The following OCA2 variants were observed in gnomAD, a reference collection of about 807,000 sequenced individuals.
OCA2 encodes the protein P protein.
In OCA2, 77 loss-of-function variants were observed where a neutral mutation model predicts 100.2. That is an observed-to-expected ratio of 0.77 (90% CI 0.64 to 0.93). The LOEUF is 0.93. OCA2 is among the 40% of genes least tolerant of loss of function. The pLI is 0.00. For synonymous variants in OCA2, 432 were observed against 439.2 expected, an observed-to-expected ratio of 0.98 and a Z score of 0.21; for missense variants, 1,062 against 1,089.1, an observed-to-expected ratio of 0.98 and a Z score of 0.35.
intron 14 of OCA2, among the ~76,000 whole-genome samples, chr15:27,968,734 T>C (rs996662417): frequency 6.6e-6 from 1 of 152,092 alleles, no homozygotes; most frequent in Admixed American, 6.6e-5. Context: ...GAAAACAGCA[T>C]TACAAATGAC....
intron 23 of OCA2, among the ~76,000 whole-genome samples, chr15:27,812,529 TA>T (rs546950903): frequency 2.0e-5 from 3 of 152,146 alleles, no homozygotes; most frequent in Non-Finnish European, 4.4e-5. Flanking sequence ...TATCTTTCAT[TA>T]AAAAAAGATT....
chr15:27,960,210 A>G (rs2040363478), intron 15 of OCA2, among the ~76,000 whole-genome samples: 1 of 152,222 alleles, frequency 6.6e-6, no homozygotes, highest in Non-Finnish European at 1.5e-5. Context: ...CCAGGTACAC[A>G]AGACTGAAAT....
chr15:27,741,694 G>C, the OCA2 span, among the ~76,000 whole-genome samples: 1 of 152,214 alleles, frequency 6.6e-6, no homozygotes, highest in Non-Finnish European at 1.5e-5. Context: ...ATGGGAAAGG[G>C]TGGATCTTGG....
intron 2 of OCA2, among the ~76,000 whole-genome samples, chr15:28,072,495 C>A (rs1344999119): frequency 6.8e-6 from 1 of 147,610 alleles, no homozygotes; most frequent in Non-Finnish European, 1.5e-5. Context: ...AAGGCTGAGG[C>A]AGGAGAATGG....
chr15:28,060,333 C>T (rs907171949), intron 2 of OCA2, among the ~76,000 whole-genome samples: 5 of 152,222 alleles, frequency 3.3e-5, no homozygotes, highest in African/African-American at 9.6e-5. Flanking sequence ...CCCAGCCTTG[C>T]GAAATGATCA....
intron 1 of OCA2, among the ~76,000 whole-genome samples, chr15:28,088,272 T>G (rs12440978): frequency 0.24 from 36,732 of 152,188 alleles, 6,939 homozygotes; most frequent in East Asian, 0.72. Context: ...AGCAAAAATT[T>G]TAACACTCCT....
At chr15:27,816,270 A>G (rs2034295535) in intron 23 of OCA2, among the ~76,000 whole-genome samples, 2 of 152,242 alleles carry the variant, frequency 1.3e-5, no homozygotes, top group Admixed American at 6.5e-5. Flanking sequence ...TCTTTTTAAA[A>G]ACATGAACCA....
intron 23 of OCA2, among the ~76,000 whole-genome samples, chr15:27,770,378 C>G (rs2031628973): frequency 6.6e-6 from 1 of 152,218 alleles, no homozygotes; most frequent in African/African-American, 2.4e-5. Flanking sequence ...CTCAGACCTC[C>G]AGCCGTGTGT....
intron 21 of OCA2, among the ~76,000 whole-genome samples, chr15:27,859,204 G>GA (rs1420431664): frequency 6.6e-6 from 1 of 151,784 alleles, no homozygotes; most frequent in Non-Finnish European, 1.5e-5. Flanking sequence ...ATGAAGAATA[G>GA]AAAAAATAGA....
rs78141428 is a variant in OCA2, at chr15:28,092,535, T to C, written c.-22+6689A>G. Reference sequence around the variant, plus strand: ...CACTCAGCTAATTTTTTATTTTTAGTAGAGATGGGGTCTTACTATGGTGCC... The same window carrying C: ...CACTCAGCTAATTTTTTATTTTTAGCAGAGATGGGGTCTTACTATGGTGCC... On this transcript the variant is annotated intron_variant, in intron 1 of 23. Coordinates refer to ENST00000354638, the MANE Select transcript of OCA2 (RefSeq NM_000275.3). Among the ~76,000 whole-genome samples the C allele has an allele frequency of 3.0e-3, 461 of 152,230 alleles. 5 individuals are homozygous for C. Among genetic ancestry groups the C allele is most frequent in the African/African-American group, 0.011 (443 of 41,530 alleles).
intron 19 of OCA2, among the ~76,000 whole-genome samples, chr15:27,893,032 T>G (rs1205616351): frequency 1.3e-5 from 2 of 152,214 alleles, no homozygotes; most frequent in African/African-American, 4.8e-5. Context: ...TGAATAGCCC[T>G]TTAGCCATGA....
intron 18 of OCA2, among the ~76,000 whole-genome samples, chr15:27,946,267 T>C (rs938042845): frequency 5.9e-5 from 9 of 152,322 alleles, no homozygotes; most frequent in Admixed American, 4.6e-4. Context: ...AAGCTAACGA[T>C]GGCCTGAGAA....
chr15:27,840,448 G>A (rs2035301736), intron 23 of OCA2, among the ~76,000 whole-genome samples: 1 of 152,182 alleles, frequency 6.6e-6, no homozygotes, highest in South Asian at 2.1e-4. Flanking sequence ...TATTTTTAGG[G>A]TAATTTTAAA....
intron 23 of OCA2, among the ~76,000 whole-genome samples, chr15:27,758,129 T>C (rs1048837538): frequency 1.1e-4 from 16 of 152,160 alleles, no homozygotes; most frequent in African/African-American, 3.9e-4. Context: ...GCTGGGGATC[T>C]TGGGGTCCCA....
At chr15:27,913,147 C>A (rs1164193649) in intron 19 of OCA2, among the ~76,000 whole-genome samples, 1 of 151,970 alleles carries the variant, frequency 6.6e-6, no homozygotes, top group Non-Finnish European at 1.5e-5. Context: ...GAAAAAAAGT[C>A]ATTAGGAAAA....
the OCA2 span, among the ~76,000 whole-genome samples, chr15:27,743,462 C>T: frequency 1.3e-5 from 2 of 152,168 alleles, no homozygotes; most frequent in African/African-American, 4.8e-5. Flanking sequence ...AACACCAGGG[C>T]AGAGAGCCTC....
At chr15:27,939,243 G>A (rs2039563422) in intron 18 of OCA2, among the ~76,000 whole-genome samples, 1 of 152,100 alleles carries the variant, frequency 6.6e-6, no homozygotes, top group South Asian at 2.1e-4. Context: ...ACTATTTTAG[G>A]TCTCAATATC....
chr15:28,082,893 T>TTA (rs1370161817), intron 1 of OCA2, among the ~76,000 whole-genome samples: 1 of 152,222 alleles, frequency 6.6e-6, no homozygotes, highest in Non-Finnish European at 1.5e-5. Context: ...AGTAATGCTG[T>TTA]CCTACTTTGG....
intron 23 of OCA2, among the ~76,000 whole-genome samples, chr15:27,778,817 G>A (rs536477059): frequency 6.6e-6 from 1 of 152,312 alleles, no homozygotes; most frequent in East Asian, 1.9e-4. Flanking sequence ...TTTCTACGTT[G>A]ATAGAAAGTT....
Sources: gnomAD v4.1 joint callset for allele counts (sites outside exome capture counted in the v4.1 genomes callset) on GRCh38, gnomAD v4.1.1 for gene constraint, MANE v1.5 for transcripts, NCBI Gene and HGNC (gene_info 2026-07-23, HGNC 2026-07-21) for gene names.